PDLIM5: variants seen among roughly 807,000 people sequenced by gnomAD.
PDLIM5 encodes the protein PDZ and LIM domain protein 5.
A neutral mutation model predicts 64.2 loss-of-function variants in PDLIM5; 34 were observed. That is an observed-to-expected ratio of 0.53 (90% CI 0.40 to 0.71). PDLIM5 has a LOEUF of 0.71. Among genes scored for constraint, PDLIM5 ranks in the 30% least tolerant of loss-of-function variants. The pLI, the probability that PDLIM5 is intolerant of heterozygous loss-of-function variation, is 0.00. For missense variants in PDLIM5, 683 were observed against 733.6 expected, an observed-to-expected ratio of 0.93 and a Z score of 0.80; for synonymous variants, 253 against 269.1, an observed-to-expected ratio of 0.94 and a Z score of 0.59.
intron 7 of PDLIM5, among the ~76,000 whole-genome samples, chr4:94,609,579 G>T (rs1263023324): frequency 6.6e-6 from 1 of 152,014 alleles, no homozygotes; most frequent in Non-Finnish European, 1.5e-5. Context: ...TTTCGCAAAG[G>T]TACTTTCCCT....
chr4:94,570,815 G>A (rs901035541), intron 3 of PDLIM5, among the ~76,000 whole-genome samples: 1 of 152,290 alleles, frequency 6.6e-6, no homozygotes, highest in Admixed American at 6.5e-5. Context: ...GGGAAACTTA[G>A]ACAAGAGCTC....
chr4:94,463,539 G>A (rs1184753527), intron 2 of PDLIM5, among the ~76,000 whole-genome samples: 2 of 152,152 alleles, frequency 1.3e-5, no homozygotes, highest in Non-Finnish European at 2.9e-5. Context: ...TTCACTTTGA[G>A]TAGGCTGAGA....
chr4:94,660,605 G>C (rs1742617464), intron 11 of PDLIM5, among the ~76,000 whole-genome samples: 1 of 152,090 alleles, frequency 6.6e-6, no homozygotes, highest in Non-Finnish European at 1.5e-5. Flanking sequence ...AGCCCCATGA[G>C]GAAAGCAACC....
intron 3 of PDLIM5, among the ~76,000 whole-genome samples, chr4:94,525,399 C>T (rs1003065067): frequency 5.3e-5 from 8 of 151,878 alleles, no homozygotes; most frequent in African/African-American, 9.7e-5. Context: ...GCCTGGGCAA[C>T]GGAGCGACAC....
At chr4:94,509,371 C>T (rs1363039529) in intron 2 of PDLIM5, among the ~76,000 whole-genome samples, 1 of 152,130 alleles carries the variant, frequency 6.6e-6, no homozygotes, top group Non-Finnish European at 1.5e-5. Flanking sequence ...TACTTCCAGA[C>T]ATTTTATTAC....
chr4:94,580,378 C>T (rs1257896327), intron 5 of PDLIM5, among the ~76,000 whole-genome samples: 3 of 151,986 alleles, frequency 2.0e-5, no homozygotes, highest in African/African-American at 4.8e-5. Flanking sequence ...AACTTCATTC[C>T]GATGTAGTTG....
intron 10 of PDLIM5, chr4:94,656,808 G>A (rs1742244583): frequency 6.6e-6 from 1 of 151,310 alleles, no homozygotes; most frequent in African/African-American, 2.4e-5. Flanking sequence ...CTAATTTTTT[G>A]TATTTTCAGT....
intron 3 of PDLIM5, among the ~76,000 whole-genome samples, chr4:94,559,880 G>T (rs945427315): frequency 6.6e-6 from 1 of 152,144 alleles, no homozygotes; most frequent in African/African-American, 2.4e-5. Flanking sequence ...TTTGGCATTG[G>T]CTATTTGTGT....
intron 9 of PDLIM5, among the ~76,000 whole-genome samples, chr4:94,650,202 T>C (rs1246357260): frequency 6.6e-6 from 1 of 152,186 alleles, no homozygotes; most frequent in Non-Finnish European, 1.5e-5. Flanking sequence ...CTCTTCCTGC[T>C]TGTGTCTTTG....
intron 2 of PDLIM5, among the ~76,000 whole-genome samples, chr4:94,463,243 C>T (rs973571481): frequency 3.9e-5 from 6 of 152,140 alleles, no homozygotes; most frequent in Admixed American, 3.9e-4. Context: ...ACAATCAACC[C>T]TTGAACAAAA....
chr4:94,608,059 GT>G (rs1310598001), intron 7 of PDLIM5: 5 of 1,527,520 alleles, frequency 3.3e-6, no homozygotes, highest in Non-Finnish European at 4.4e-6. Context: ...GAAAACTTAG[GT>G]TTGACAGTGC....
chr4:94,592,959 C>A (rs113820487), intron 7 of PDLIM5, among the ~76,000 whole-genome samples: 6 of 152,080 alleles, frequency 3.9e-5, no homozygotes. Flanking sequence ...ACCTACAGAG[C>A]GCCCTCTCCA....
intron 2 of PDLIM5, among the ~76,000 whole-genome samples, chr4:94,507,649 A>G (rs2433317): frequency 0.21 from 32,008 of 152,182 alleles, 3,675 homozygotes; most frequent in Non-Finnish European, 0.26. Flanking sequence ...TAGTACTGAT[A>G]ATTTTTGGTG....
intron 2 of PDLIM5, among the ~76,000 whole-genome samples, chr4:94,468,880 G>A (rs1449905907): frequency 6.6e-6 from 1 of 152,164 alleles, no homozygotes; most frequent in African/African-American, 2.4e-5. Context: ...ACCATGTTCT[G>A]GGCCTTGGAT....
At chr4:94,485,796 G>A (rs1726265368) in intron 2 of PDLIM5, among the ~76,000 whole-genome samples, 1 of 144,602 alleles carries the variant, frequency 6.9e-6, no homozygotes, top group African/African-American at 2.6e-5. Context: ...GTTGCAGCGA[G>A]CCAATATTGC....
intron 3 of PDLIM5, among the ~76,000 whole-genome samples, chr4:94,546,949 G>A (rs1732378310): frequency 6.6e-6 from 1 of 151,504 alleles, no homozygotes; most frequent in Non-Finnish European, 1.5e-5. Flanking sequence ...ACACTTAACT[G>A]TTAATGATCT....
chr4:94,494,386 C>T (rs993964266), intron 2 of PDLIM5, among the ~76,000 whole-genome samples: 4 of 143,566 alleles, frequency 2.8e-5, no homozygotes, highest in Non-Finnish European at 4.5e-5. Flanking sequence ...AGTTTCAACA[C>T]CTAAATACAA....
In PDLIM5 at chr4:94,618,160, G is replaced by A. The variant is rs1211920145; in HGVS notation, c.1077G>A (p.Lys359=). Residue 359 remains lysine (K), a synonymous_variant, in exon 8 of 13, where the codon AAG becomes AAA. Coordinates refer to ENST00000317968, the MANE Select transcript of PDLIM5 (RefSeq NM_006457.5). ...FKPVGSTGVI[K]SPSWQRPNQG... ...CTGTAGGATCCACTGGCGTCATCAA[G>A]TCACCAAGCTGGCAACGGCCAAACC... is the stretch of plus-strand genomic sequence containing the variant. 1.2e-6 allele frequency: 2 copies of A among 1,604,024 alleles called. No individual in the cohort carries two copies. The highest frequency in any genetic ancestry group is 1.1e-5 in the South Asian group (1 of 89,118).
chr4:94,491,455 A>G (rs1726864882), intron 2 of PDLIM5, among the ~76,000 whole-genome samples: 1 of 152,064 alleles, frequency 6.6e-6, no homozygotes, highest in Admixed American at 6.6e-5. Flanking sequence ...ATATTGAATA[A>G]TCTCTTTGGA....
Sources: gnomAD v4.1 joint callset for allele counts (sites outside exome capture counted in the v4.1 genomes callset) on GRCh38, gnomAD v4.1.1 for gene constraint, MANE v1.5 for transcripts, NCBI Gene and HGNC (gene_info 2026-07-23, HGNC 2026-07-21) for gene names.